Variants in FERMT1 observed in about 807,000 individuals in gnomAD.
FERMT1 encodes fermitin family homolog 1.
In FERMT1, 60 loss-of-function variants were observed where a neutral mutation model predicts 85.3. That is an observed-to-expected ratio of 0.70 (90% confidence interval 0.57 to 0.87). The LOEUF is 0.87. Ranked by LOEUF, FERMT1 falls within the 40% of genes least tolerant of loss-of-function variation. FERMT1 has a pLI of 0.00. For missense variants in FERMT1, 701 were observed against 818.9 expected (o/e 0.86, Z 1.76); for synonymous variants, 275 against 301.1 (o/e 0.91, Z 0.90).
At chr20:6,108,659 A>C (rs1398631322) in intron 5 of FERMT1, among the ~76,000 whole-genome samples, 1 of 152,022 alleles carries the variant, frequency 6.6e-6, no homozygotes, top group Non-Finnish European at 1.5e-5. Context: ...AAAACGCAAA[A>C]ATTAGCCAGG....
intron 10 of FERMT1, among the ~76,000 whole-genome samples, chr20:6,088,635 T>C (rs1349001663): frequency 1.3e-5 from 2 of 151,180 alleles, no homozygotes; most frequent in African/African-American, 4.9e-5. Context: ...TCTTTTTTTT[T>C]TTTTTTTTTT....
At position 6,107,569 on chromosome 20, in the gene FERMT1, C is replaced by G; in HGVS notation, c.812G>C (p.Arg271Pro). 1 of 1,612,688 alleles carries G rather than the reference C, an allele frequency of 6.2e-7. No homozygotes were observed. Among genetic ancestry groups the G allele is most frequent in the Non-Finnish European group, 8.5e-7 (1 of 1,178,988 alleles). The change falls in exon 6 of 15, where the codon CGA becomes CCA. Residue 271 changes from arginine (R) to proline (P), a missense_variant. Physicochemically the swap from Arg to Pro is moderately radical, Grantham distance 103. Coordinates refer to ENST00000217289, the MANE Select transcript of FERMT1 (RefSeq NM_017671.5). ...GIQEDEQLLL[R>P]FKYYSFFDLN... ...GTCGAAGAAAGAATAATATTTAAAT[C>G]GTAAGAGCAGCTGCTCATCCTCTTG... is the stretch of plus-strand genomic sequence containing the variant.
chr20:6,083,693 TA>T (rs11364895), intron 13 of FERMT1, among the ~76,000 whole-genome samples: 20,067 of 99,462 alleles, frequency 0.2, 2,120 homozygotes, highest in East Asian at 0.52. Context: ...CCCGATCTCT[TA>T]AAAAAAAAAA....
rs372324085 is a variant in FERMT1, at chr20:6,091,459, A to T, written c.1140-2370T>A. Among the ~76,000 whole-genome samples, 28 of 152,056 alleles carry T rather than the reference A, an allele frequency of 1.8e-4. 1 individual carries two copies. Among genetic ancestry groups the T allele is most frequent in the Middle Eastern group, 3.4e-3 (1 of 294 alleles). On this transcript the variant is annotated intron_variant, in intron 9 of 14. Transcript: ENST00000217289. ...TGGCTAGACTGGTCTTGAACTCCTG[A>T]GAGCTCAAGTGATCCGCCCACCTTG...
chr20:6,085,403 G>A, intron 11 of FERMT1, 116 bp from the exon 12 acceptor site: 1 of 862,006 alleles, frequency 1.2e-6, no homozygotes, highest in Middle Eastern at 3.3e-4. Flanking sequence ...TTCCAAGCAA[G>A]ATGTGAAGTG....
Position 6,087,615 on chromosome 20 carries a change from T to C in FERMT1, c.1371+162A>G, listed in dbSNP as rs1333605694. The C allele has an allele frequency of 4.4e-6, 3 of 681,250 alleles. No homozygotes were observed. The South Asian group carries it at 4.5e-5, about 10-fold the overall frequency. 42.2% of individuals were successfully genotyped at this position (681,250 alleles called of 1,614,324 possible). On this transcript the variant is annotated intron_variant, in intron 11 of 14. Coordinates refer to ENST00000217289, the MANE Select transcript of FERMT1 (RefSeq NM_017671.5). The stretch of plus-strand genomic sequence containing the variant: ...TGTGAGCCACTGCATGGCAAATGTT[T>C]ATTGTTAGAATGTCATTGTGATTTT...
intron 6 of FERMT1, among the ~76,000 whole-genome samples, chr20:6,101,835 T>C (rs1420124785): frequency 6.6e-6 from 1 of 152,056 alleles, no homozygotes; most frequent in East Asian, 1.9e-4. Flanking sequence ...TTTGTATTTT[T>C]AGTAGAGACA....
chr20:6,081,497 C>A (rs889877124), intron 13 of FERMT1, among the ~76,000 whole-genome samples: 6 of 151,954 alleles, frequency 3.9e-5, no homozygotes, highest in African/African-American at 1.5e-4. Flanking sequence ...GACTGAGAGG[C>A]GACCAATGGA....
chr20:6,097,797 T>A (rs1982550496), intron 6 of FERMT1, among the ~76,000 whole-genome samples, 166 bp from the exon 7 acceptor site: 1 of 151,906 alleles, frequency 6.6e-6, no homozygotes. Flanking sequence ...GCACTTTTTT[T>A]TTAAAGTTTT....
intron 9 of FERMT1, among the ~76,000 whole-genome samples, 157 bp from the exon 10 acceptor site, chr20:6,089,246 T>C (rs1206331569): frequency 6.6e-6 from 1 of 152,188 alleles, no homozygotes; most frequent in Non-Finnish European, 1.5e-5. Context: ...GCGCTGGAAA[T>C]GAAATGCTGA....
At chr20:6,088,941 C>T (rs1982267814) in intron 10 of FERMT1, 24 bp downstream of exon 10, 1 of 1,604,952 alleles carries the variant, frequency 6.2e-7, no homozygotes. Flanking sequence ...CGATGAGCCA[C>T]AGCAAGATAT....
At chr20:6,080,779 G>A (rs1360226162) in intron 13 of FERMT1, among the ~76,000 whole-genome samples, 1 of 152,178 alleles carries the variant, frequency 6.6e-6, no homozygotes. Context: ...AGTATGTAGC[G>A]GGGAGCCAGT....
chr20:6,107,457 A>T (rs941534799), intron 6 of FERMT1, 75 bp downstream of exon 6: 2 of 870,496 alleles, frequency 2.3e-6, no homozygotes, highest in Non-Finnish European at 3.7e-6. Context: ...TAATTTTCAT[A>T]AGCAAATGCC....
At position 6,077,040 on chromosome 20, in the gene FERMT1, G is replaced by A. The variant is rs1376042600; in HGVS notation, c.*133C>T. Reference sequence around the variant, plus strand: ...TGTGCCAGCAGTGGGTTTGAATGAGGATCTGGGTGACCAGCGGTGAATGTA... The same window carrying A: ...TGTGCCAGCAGTGGGTTTGAATGAGAATCTGGGTGACCAGCGGTGAATGTA... On this transcript the variant is annotated 3_prime_UTR_variant, in exon 15 of 15. Transcript: ENST00000217289. 6 of 915,392 alleles carry A rather than the reference G, an allele frequency of 6.6e-6. No individual in the cohort carries two copies. Among genetic ancestry groups the A allele is most frequent in the East Asian group, 2.4e-5 (1 of 41,478 alleles). The allele number at this position is 915,392 out of a possible 1,614,324, so 56.7% of individuals were successfully genotyped here. A position where few individuals can be genotyped will look rare whatever the true frequency, so the allele number is the denominator to read the frequency against.
intron 6 of FERMT1, among the ~76,000 whole-genome samples, chr20:6,099,773 A>T (rs1048038424): frequency 6.7e-6 from 1 of 148,918 alleles, no homozygotes; most frequent in Non-Finnish European, 1.5e-5. Context: ...AGGCAGGAGG[A>T]TTGCCTGAGG....
At chr20:6,080,628 G>C (rs1253104661) in intron 13 of FERMT1, among the ~76,000 whole-genome samples, 1 of 152,234 alleles carries the variant, frequency 6.6e-6, no homozygotes, top group African/African-American at 2.4e-5. Flanking sequence ...GTCGGATTCT[G>C]TGTGTACTTT....
At chr20:6,105,168 G>A (rs940835186) in intron 6 of FERMT1, among the ~76,000 whole-genome samples, 2 of 152,238 alleles carry the variant, frequency 1.3e-5, no homozygotes, top group Non-Finnish European at 2.9e-5. Context: ...CAGATGTGGT[G>A]TGATTAGAGG....
intron 9 of FERMT1, among the ~76,000 whole-genome samples, chr20:6,092,734 G>A (rs1982401881): frequency 6.6e-6 from 1 of 152,106 alleles, no homozygotes; most frequent in African/African-American, 2.4e-5. Flanking sequence ...CCTTTAGGCA[G>A]GCGCTTCAGT....
At chr20:6,099,136 C>T (rs1982585571) in intron 6 of FERMT1, among the ~76,000 whole-genome samples, 1 of 152,192 alleles carries the variant, frequency 6.6e-6, no homozygotes, top group South Asian at 2.1e-4. Context: ...GGCACAGTGG[C>T]TCACACCTGT....
Sources: gnomAD v4.1 joint callset for allele counts (sites outside exome capture counted in the v4.1 genomes callset) on GRCh38, gnomAD v4.1.1 for gene constraint, MANE v1.5 for transcripts, NCBI Gene and HGNC (gene_info 2026-07-23, HGNC 2026-07-21) for gene names.